KANSL1: variants seen among roughly 807,000 people sequenced by gnomAD.
KANSL1 encodes KAT8 regulatory NSL complex subunit 1, also known as MLL1/MLL complex subunit KANSL1.
KANSL1 carries 22 observed loss-of-function variants against 103.6 expected under a neutral mutation model. That is an observed-to-expected ratio of 0.21 (90% CI 0.15 to 0.30). The LOEUF (loss-of-function observed/expected upper bound fraction) is 0.30, where lower values mean the gene tolerates loss of function less well. Ranked by LOEUF, KANSL1 falls within the 10% of genes least tolerant of loss-of-function variation. KANSL1 has a pLI of 1.00. For synonymous variants in KANSL1, 600 were observed against 527.6 expected, an observed-to-expected ratio of 1.14 and a Z score of -1.88; for missense variants, 1,337 against 1,399.8, an observed-to-expected ratio of 0.96 and a Z score of 0.72.
rs1038219140 is a variant in KANSL1, at chr17:46,038,752, G to C, written c.2393-66C>G. ...TTAACCAGCGTTACTTCTAACACAA[G>C]CTTGGAATGGCAGCAATACATACTA... On this transcript the variant is annotated intron_variant, in intron 9 of 14. Transcript: ENST00000432791. The C allele has an allele frequency of 6.9e-6, 11 of 1,589,218 alleles. No homozygotes were observed. The African/African-American group carries it at 9.4e-5, about 14-fold the overall frequency.
chr17:46,119,313 TTTTC>T (rs1393448221), intron 2 of KANSL1, among the ~76,000 whole-genome samples: 8 of 97,624 alleles, frequency 8.2e-5, no homozygotes, highest in Non-Finnish European at 6.1e-5. Context: ...GAGTCCTCAA[TTTTC>T]TTTTTCTTTT....
chr17:46,194,767 C>T (rs1020090388), upstream of KANSL1, among the ~76,000 whole-genome samples: 1 of 152,220 alleles, frequency 6.6e-6, no homozygotes, highest in Non-Finnish European at 1.5e-5. Flanking sequence ...TTACCAGAAC[C>T]AATATCCGGC....
At chr17:46,195,627 A>G (rs1417092430), upstream of KANSL1, among the ~76,000 whole-genome samples, 7 of 152,222 alleles carry the variant, frequency 4.6e-5, no homozygotes, top group Admixed American at 2.0e-4. Flanking sequence ...CAGTGGTGCA[A>G]TCAAACTCAC....
chr17:46,197,925 T>C (rs116984283), upstream of KANSL1, among the ~76,000 whole-genome samples: 1 of 152,376 alleles, frequency 6.6e-6, no homozygotes, highest in Non-Finnish European at 1.5e-5. Flanking sequence ...GTACCTCGTA[T>C]GTCCAAACTA....
chr17:46,126,839 GA>G (rs773650604), intron 2 of KANSL1, among the ~76,000 whole-genome samples: 1 of 152,178 alleles, frequency 6.6e-6, no homozygotes, highest in Non-Finnish European at 1.5e-5. Context: ...AGAATAATGT[GA>G]AAATGTTTCT....
chr17:46,126,934 C>T (rs1555558131), intron 2 of KANSL1, among the ~76,000 whole-genome samples: 2 of 112,742 alleles, frequency 1.8e-5, no homozygotes, highest in African/African-American at 2.6e-5. Context: ...CAAACTGTAA[C>T]CAGTAACATC....
At chr17:46,074,626 G>A (rs925678264) in intron 4 of KANSL1, among the ~76,000 whole-genome samples, 49 of 152,052 alleles carry the variant, frequency 3.2e-4, no homozygotes, top group African/African-American at 1.2e-3. Flanking sequence ...AATGTGCCAG[G>A]CATGGTGGCA....
At chr17:46,093,745 A>G (rs1411646484) in intron 3 of KANSL1, 1 of 152,232 alleles carries the variant, frequency 6.6e-6, no homozygotes, top group African/African-American at 2.4e-5. Context: ...TTTTAGTAGC[A>G]ATAGACTTTT....
chr17:46,053,701 T>A (rs2077811693), intron 6 of KANSL1, among the ~76,000 whole-genome samples: 1 of 152,200 alleles, frequency 6.6e-6, no homozygotes, highest in Non-Finnish European at 1.5e-5. Flanking sequence ...TCCCAAATGC[T>A]GGGATTATAG....
chr17:46,142,024 G>A (rs1281947449), intron 2 of KANSL1, among the ~76,000 whole-genome samples: 1 of 152,196 alleles, frequency 6.6e-6, no homozygotes, highest in Non-Finnish European at 1.5e-5. Context: ...GAGCAGCTGG[G>A]ATTACAGGTG....
chr17:46,177,836 G>T (rs2046597738), intron 1 of KANSL1, among the ~76,000 whole-genome samples: 1 of 151,812 alleles, frequency 6.6e-6, no homozygotes, highest in Non-Finnish European at 1.5e-5. Flanking sequence ...GGAGAGCAGT[G>T]GCGTGATCTA....
chr17:46,067,953 AAG>A (rs144435729), intron 4 of KANSL1, among the ~76,000 whole-genome samples: 3 of 151,614 alleles, frequency 2.0e-5, no homozygotes, highest in Admixed American at 6.6e-5. Flanking sequence ...TCTAATTAAA[AAG>A]AGAGAGAGAG....
At chr17:46,181,847 C>A (rs1469299882) in intron 1 of KANSL1, among the ~76,000 whole-genome samples, 1 of 152,154 alleles carries the variant, frequency 6.6e-6, no homozygotes, top group Non-Finnish European at 1.5e-5. Flanking sequence ...GTATCTTTGC[C>A]TATGTTGCTA....
intron 1 of KANSL1, among the ~76,000 whole-genome samples, chr17:46,220,193 G>A (rs1255731289): frequency 2.0e-5 from 3 of 152,210 alleles, no homozygotes; most frequent in Admixed American, 1.3e-4. Flanking sequence ...AGAAGAAAAG[G>A]AAGGATTGAG....
rs369274727 is a variant in KANSL1, at chr17:46,100,444, C to CAAAAAAAAAAAAAA, written c.1290-5757_1290-5744dup. On this transcript the variant is annotated intron_variant, in intron 2 of 14. Coordinates refer to ENST00000432791, the MANE Select transcript of KANSL1 (RefSeq NM_015443.4). ...ACAACAGAGTGAGACTCCCTCTCCC[C>CAAAAAAAAAAAAAA]AAAAAAAAAAAAAAAAAGCGCCCTC... 5.7e-5 allele frequency among the ~76,000 whole-genome samples: 5 copies of CAAAAAAAAAAAAAA among 88,262 alleles called. 1 individual carries two copies. The highest frequency in any genetic ancestry group is 1.2e-4 in the Non-Finnish European group (5 of 42,386). 57.9% of individuals were successfully genotyped at this position (88,262 alleles called of 152,430 possible).
chr17:46,134,559 G>T (rs771933241), intron 2 of KANSL1, among the ~76,000 whole-genome samples: 17 of 152,030 alleles, frequency 1.1e-4, no homozygotes, highest in Non-Finnish European at 2.1e-4. Context: ...AGACGAGGAG[G>T]CCAGGTGTGG....
chr17:46,094,713 TAA>T lies in KANSL1; in HGVS notation c.1290-14_1290-13del, dbSNP rs1193751212. The T allele has an allele frequency of 3.1e-6, 5 of 1,613,944 alleles. No individual in the cohort carries two copies. The highest frequency in any genetic ancestry group is 1.3e-5 in the African/African-American group (1 of 74,966). On this transcript the variant is annotated splice_polypyrimidine_tract_variant and intron_variant, in intron 2 of 14. Coordinates refer to ENST00000432791, the MANE Select transcript of KANSL1 (RefSeq NM_015443.4). ...CTGACCTGCGTCTCCTAAAAGGAAA[TAA>T]ACTGAGTGAAATCCAAGAGTAGCAG...
intron 2 of KANSL1, among the ~76,000 whole-genome samples, chr17:46,104,816 CTT>C (rs2042462549): frequency 6.6e-6 from 1 of 151,912 alleles, no homozygotes; most frequent in African/African-American, 2.4e-5. Context: ...CTTACTGTGT[CTT>C]TTTTCTTTTT....
intron 1 of KANSL1, among the ~76,000 whole-genome samples, chr17:46,191,458 G>C (rs2047318384): frequency 6.6e-6 from 1 of 152,190 alleles, no homozygotes; most frequent in African/African-American, 2.4e-5. Context: ...TGTAAATAGT[G>C]GTCCTTTAAC....
Sources: gnomAD v4.1 joint callset for allele counts (sites outside exome capture counted in the v4.1 genomes callset) on GRCh38, gnomAD v4.1.1 for gene constraint, MANE v1.5 for transcripts, NCBI Gene and HGNC (gene_info 2026-07-23, HGNC 2026-07-21) for gene names.